PAN3: variants seen among roughly 807,000 people sequenced by gnomAD.
PAN3 encodes poly(A) specific ribonuclease subunit PAN3.
In PAN3, 19 loss-of-function variants were observed where a neutral mutation model predicts 96.2. The observed-to-expected ratio is 0.20, with a 90% CI of 0.14 to 0.29. The LOEUF is 0.29. Among genes scored for constraint, PAN3 ranks in the 10% least tolerant of loss-of-function variants. The pLI, the probability that PAN3 is intolerant of heterozygous loss-of-function variation, is 1.00. For synonymous variants in PAN3, 433 were observed against 406.6 expected (o/e 1.06, Z -0.78); for missense variants, 882 against 1,108.1 (o/e 0.80, Z 2.90).
chr13:28,159,178 A>G (rs1872598394), intron 1 of PAN3, among the ~76,000 whole-genome samples: 2 of 152,190 alleles, frequency 1.3e-5, no homozygotes, highest in South Asian at 4.1e-4. Context: ...ACTCTTCACA[A>G]TAGCAAAGAC....
At chr13:28,256,662 C>T in intron 7 of PAN3, 123 bp downstream of exon 7, 1 of 1,061,970 alleles carries the variant, frequency 9.4e-7, no homozygotes, top group Admixed American at 2.8e-5. Context: ...CATTTTCTAA[C>T]TTAGATGAGA....
intron 18 of PAN3, among the ~76,000 whole-genome samples, chr13:28,291,315 A>C (rs1022544829): frequency 6.6e-6 from 1 of 152,224 alleles, no homozygotes; most frequent in African/African-American, 2.4e-5. Flanking sequence ...TAACAAGACA[A>C]GTTGATAGAC....
At chr13:28,172,108 A>C (rs942720169) in intron 1 of PAN3, among the ~76,000 whole-genome samples, 1 of 152,204 alleles carries the variant, frequency 6.6e-6, no homozygotes, top group African/African-American at 2.4e-5. Context: ...CAGGAACTAT[A>C]GATGAAGACA....
chr13:28,151,723 T>G (rs2137971846), intron 1 of PAN3, among the ~76,000 whole-genome samples: 1 of 152,062 alleles, frequency 6.6e-6, no homozygotes, highest in East Asian at 1.9e-4. Context: ...GAGTCAAGGG[T>G]TTGTTTCAAG....
chr13:28,177,994 G>GT (rs1435122004), intron 4 of PAN3, 59 bp downstream of exon 4: 50 of 1,458,210 alleles, frequency 3.4e-5, no homozygotes, highest in Non-Finnish European at 4.6e-5. Flanking sequence ...TGTTGGCATT[G>GT]TTACCTATGT....
intron 1 of PAN3, among the ~76,000 whole-genome samples, chr13:28,140,321 G>T (rs1017405713): frequency 1.3e-5 from 2 of 152,196 alleles, no homozygotes; most frequent in African/African-American, 4.8e-5. Flanking sequence ...GCCGGTGCCA[G>T]ATGTCCCTGT....
intron 6 of PAN3, among the ~76,000 whole-genome samples, chr13:28,230,934 C>G (rs934472136): frequency 5.3e-5 from 8 of 152,076 alleles, no homozygotes; most frequent in African/African-American, 1.9e-4. Flanking sequence ...ACCTTTCTTC[C>G]CTCTGTTTTG....
At chr13:28,276,122 G>A (rs552903119) in intron 14 of PAN3, among the ~76,000 whole-genome samples, 112 of 152,210 alleles carry the variant, frequency 7.4e-4, no homozygotes, top group African/African-American at 2.5e-3. Context: ...TGGAAGCTTA[G>A]AAAAATACCA....
intron 1 of PAN3, among the ~76,000 whole-genome samples, chr13:28,169,719 T>G (rs1334190440): frequency 1.3e-5 from 2 of 152,092 alleles, no homozygotes; most frequent in Non-Finnish European, 2.9e-5. Context: ...AAGTCAAACG[T>G]AAGTATATGC....
chr13:28,143,451 T>C (rs1482932747), intron 1 of PAN3, among the ~76,000 whole-genome samples: 1 of 152,250 alleles, frequency 6.6e-6, no homozygotes, highest in Non-Finnish European at 1.5e-5. Flanking sequence ...ATTTGTATTT[T>C]ATGTACATTA....
rs557265359 is a variant in PAN3, at chr13:28,218,173, A to G, written c.853-2058A>G. 3.3e-3 allele frequency among the ~76,000 whole-genome samples: 507 copies of G among 152,198 alleles called. 1 individual carries two copies. The highest frequency in any genetic ancestry group is 6.1e-3 in the Non-Finnish European group (416 of 67,954). ...GAATGCATCTTTATTGTTACATGTT[A>G]TTTTAAAGATTTTTATCATGAAAAA... On this transcript the variant is annotated intron_variant, in intron 5 of 18. Coordinates refer to ENST00000380958, the MANE Select transcript of PAN3 (RefSeq NM_175854.8).
intron 6 of PAN3, among the ~76,000 whole-genome samples, chr13:28,225,679 G>T (rs1223898043): frequency 2.0e-5 from 3 of 152,126 alleles, no homozygotes; most frequent in Non-Finnish European, 4.4e-5. Context: ...AGAAAACTCA[G>T]TCTTCTGCTA....
At position 28,209,664 on chromosome 13, in the gene PAN3, G is replaced by C. The variant is rs139225325; in HGVS notation, c.853-10567G>C. Among the ~76,000 whole-genome samples, 783 of 151,788 alleles carry C rather than the reference G, an allele frequency of 5.2e-3. 2 individuals are homozygous for C. Among genetic ancestry groups the C allele is most frequent in the Admixed American group, 7.3e-3 (112 of 15,250 alleles). Reference sequence around the variant, plus strand: ...TCTACTTGTGTCATTTTTCTTCTTAGCTTTAATTCCTAGATGTGAGTTTGC... The same window carrying C: ...TCTACTTGTGTCATTTTTCTTCTTACCTTTAATTCCTAGATGTGAGTTTGC... On this transcript the variant is annotated intron_variant, in intron 5 of 18. Coordinates refer to ENST00000380958, the MANE Select transcript of PAN3 (RefSeq NM_175854.8).
rs1229453662 is a variant in PAN3 at position 28,293,020 on chromosome 13, G to A, written c.*498G>A. 1 of 152,298 alleles carries A rather than the reference G, an allele frequency of 6.6e-6. No homozygotes were observed. Among genetic ancestry groups the A allele is most frequent in the East Asian group, 1.9e-4 (1 of 5,200 alleles). 9.4% of individuals were successfully genotyped at this position (152,298 alleles called of 1,614,324 possible). On this transcript the variant is annotated 3_prime_UTR_variant, in exon 19 of 19. Coordinates refer to ENST00000380958, the MANE Select transcript of PAN3 (RefSeq NM_175854.8). ...AATAATTTCATAGAAGTTCAGTATAGTACGTAATTCTTGTAAGAGTATCGT... is the reference window on the plus strand; with the variant it reads ...AATAATTTCATAGAAGTTCAGTATAATACGTAATTCTTGTAAGAGTATCGT...
At position 28,278,454 on chromosome 13, in the gene PAN3, A is replaced by G. The variant is rs532819761; in HGVS notation, c.2189+1078A>G. 1.1e-4 allele frequency among the ~76,000 whole-genome samples: 16 copies of G among 152,360 alleles called. No homozygotes were observed. In the South Asian group the frequency reaches 2.9e-3, roughly 28 times the overall value. Reference sequence around the variant, plus strand: ...ATCTCTAAATTTTCCTTTTTAAAAAAGTGGGGATAGAGGACAAAAATAATC... The same window carrying G: ...ATCTCTAAATTTTCCTTTTTAAAAAGGTGGGGATAGAGGACAAAAATAATC... On this transcript the variant is annotated intron_variant, in intron 15 of 18. Coordinates refer to ENST00000380958, the MANE Select transcript of PAN3 (RefSeq NM_175854.8).
At chr13:28,221,996 T>C (rs1881463637) in intron 6 of PAN3, among the ~76,000 whole-genome samples, 2 of 152,196 alleles carry the variant, frequency 1.3e-5, no homozygotes, top group Admixed American at 6.5e-5. Flanking sequence ...ATGGGATCCA[T>C]ATAGCAATCA....
rs372499998 is a variant in PAN3, at chr13:28,256,371, A to T, written c.1080A>T (p.Arg360Ser). 7.0e-5 allele frequency: 113 copies of T among 1,613,822 alleles called. No homozygotes were observed. Among genetic ancestry groups the T allele is most frequent in the East Asian group, 8.9e-5 (4 of 44,886 alleles). ...ATACTTCTCCTGCTCCCAGAAGAAG[A>T]AGTCACACTCCAAATCCAGCAAGTT... ...TPHTSPAPRR[R>S]SHTPNPASYM... Residue 360 changes from arginine to serine, a missense_variant, in exon 7 of 19, where the codon AGA becomes AGT. This residue lies in a region of PAN3 where 364 missense variants were observed against 513.6 expected (regional missense o/e 0.71). Transcript: ENST00000380958.
chr13:28,242,450 C>G (rs770602178), intron 6 of PAN3, among the ~76,000 whole-genome samples: 7 of 151,808 alleles, frequency 4.6e-5, no homozygotes, highest in Non-Finnish European at 7.4e-5. Context: ...GATGGGAATA[C>G]AGAGAGGATT....
At chr13:28,203,350 C>T (rs1878964689) in intron 5 of PAN3, among the ~76,000 whole-genome samples, 1 of 152,156 alleles carries the variant, frequency 6.6e-6, no homozygotes, top group Non-Finnish European at 1.5e-5. Context: ...GTTGCCCAGG[C>T]AGGCATGCAG....
Sources: gnomAD v4.1 joint callset for allele counts (sites outside exome capture counted in the v4.1 genomes callset) on GRCh38, gnomAD v4.1.1 for gene constraint, gnomAD v4.1.1 regional missense constraint, MANE v1.5 for transcripts, NCBI Gene and HGNC (gene_info 2026-07-23, HGNC 2026-07-21) for gene names.